The following ABCA4 variants were observed in gnomAD, a reference collection of about 807,000 sequenced individuals.
The protein encoded by ABCA4 is retinal-specific phospholipid-transporting ATPase ABCA4.
In ABCA4, 196 loss-of-function variants were observed where a neutral mutation model predicts 263.7. The observed-to-expected ratio is 0.74, with a 90% CI of 0.66 to 0.84. The LOEUF (loss-of-function observed/expected upper bound fraction) is 0.84. Among genes scored for constraint, ABCA4 ranks in the 40% least tolerant of loss-of-function variants. The pLI, the probability that ABCA4 is intolerant of heterozygous loss-of-function variation, is 0.00. For missense variants in ABCA4, 2,792 were observed against 2,855.1 expected (o/e 0.98, Z 0.50); for synonymous variants, 1,133 against 1,094.2 (o/e 1.04, Z -0.70).
intron 6 of ABCA4, among the ~76,000 whole-genome samples, chr1:94,092,716 G>A (rs1020999049): frequency 3.3e-5 from 5 of 152,064 alleles, no homozygotes; most frequent in East Asian, 1.9e-4. Context: ...TTTTCTGTCC[G>A]TCCCAGTATC....
In ABCA4 at chr1:94,082,194, G is replaced by A. The variant is rs140870573; in HGVS notation, c.858+1158C>T. Among the ~76,000 whole-genome samples the A allele has an allele frequency of 8.2e-3, 1,243 of 152,268 alleles. 14 individuals carry two copies. Among genetic ancestry groups the A allele is most frequent in the African/African-American group, 0.028 (1,175 of 41,554 alleles). ...TGAGTCTTATGACATCTTGTAAGGG[G>A]TTATTACTATTATTATGTTGCTCAT... is the stretch of plus-strand genomic sequence containing the variant. On this transcript the variant is annotated intron_variant, in intron 7 of 49. Coordinates refer to ENST00000370225, the MANE Select transcript of ABCA4 (RefSeq NM_000350.3).
intron 1 of ABCA4, among the ~76,000 whole-genome samples, chr1:94,116,861 CA>C (rs1272694506): frequency 6.6e-6 from 1 of 152,162 alleles, no homozygotes; most frequent in Admixed American, 6.5e-5. Flanking sequence ...AGCCAAGGCT[CA>C]GAAGGGCTGG....
At chr1:94,055,399 G>T in intron 15 of ABCA4, 84 bp from the exon 16 acceptor site, 2 of 1,390,886 alleles carry the variant, frequency 1.4e-6, no homozygotes, top group Non-Finnish European at 1.0e-6. Context: ...GAGGTAGAGG[G>T]GAGGGCCAAA....
Position 94,100,995 on chromosome 1 carries a change from G to C in ABCA4, c.571-2004C>G, listed in dbSNP as rs145023290. On this transcript the variant is annotated intron_variant, in intron 5 of 49. Transcript: ENST00000370225. ...TGGGCAGGGAGGGCCGGGTTGGCTG[G>C]AACGTGCCTCTGCGAAGCGCAGATG... Among the ~76,000 whole-genome samples, 273 of 152,354 alleles carry C rather than the reference G, an allele frequency of 1.8e-3. 2 individuals carry two copies. The highest frequency in any genetic ancestry group is 6.3e-3 in the African/African-American group (264 of 41,582).
chr1:94,105,498 C>T (rs1187847606), intron 4 of ABCA4, among the ~76,000 whole-genome samples: 1 of 152,130 alleles, frequency 6.6e-6, no homozygotes, highest in Non-Finnish European at 1.5e-5. Flanking sequence ...CGATACCAGA[C>T]AGAAGCTTCC....
At chr1:94,010,610 T>G (rs1037901674) in intron 40 of ABCA4, 190 bp downstream of exon 40, 2 of 783,844 alleles carry the variant, frequency 2.6e-6, no homozygotes, top group African/African-American at 3.4e-5. Context: ...GTGGATGCTC[T>G]TCACATATTT....
At chr1:94,120,239 G>A (rs915130525) in intron 1 of ABCA4, among the ~76,000 whole-genome samples, 2 of 152,252 alleles carry the variant, frequency 1.3e-5, no homozygotes, top group South Asian at 2.1e-4. Context: ...GTCTCCAAAC[G>A]TACTTTGGGT....
intron 7 of ABCA4, 125 bp from the exon 8 acceptor site, chr1:94,080,843 A>T (rs993899876): frequency 7.1e-7 from 1 of 1,409,950 alleles, no homozygotes; most frequent in Non-Finnish European, 9.8e-7. Context: ...TATTCTCAGC[A>T]ATCCTTAATC....
At chr1:93,997,807 T>C in intron 48 of ABCA4, 54 bp downstream of exon 48, 2 of 1,611,696 alleles carry the variant, frequency 1.2e-6, no homozygotes. Context: ...CAACCCACAC[T>C]GGGTGTTCTG....
intron 11 of ABCA4, among the ~76,000 whole-genome samples, chr1:94,065,496 G>A (rs139187278): frequency 1.1e-4 from 17 of 152,288 alleles, no homozygotes; most frequent in Admixed American, 1.0e-3. Flanking sequence ...TCTCACTCCC[G>A]AGTCCCACCT....
intron 48 of ABCA4, among the ~76,000 whole-genome samples, chr1:93,997,444 T>G (rs1424704002): frequency 6.6e-6 from 1 of 151,574 alleles, no homozygotes; most frequent in East Asian, 1.9e-4. Flanking sequence ...TTTTTTTTTT[T>G]TTTTCTGTAG....
chr1:94,048,486 A>C (rs1003116565), intron 18 of ABCA4, among the ~76,000 whole-genome samples: 1 of 152,192 alleles, frequency 6.6e-6, no homozygotes, highest in African/African-American at 2.4e-5. Flanking sequence ...CCCCCTGGAC[A>C]CAGAAGCATT....
intron 11 of ABCA4, among the ~76,000 whole-genome samples, chr1:94,072,791 C>G (rs760240811): frequency 5.3e-5 from 8 of 152,206 alleles, no homozygotes; most frequent in Non-Finnish European, 1.2e-4. Context: ...TATTTTCCTA[C>G]TCCACTGCCT....
At chr1:94,092,352 A>G (rs1020187555) in intron 6 of ABCA4, among the ~76,000 whole-genome samples, 1 of 152,182 alleles carries the variant, frequency 6.6e-6, no homozygotes, top group African/African-American at 2.4e-5. Context: ...GGAAACCCAC[A>G]TTTATCCGGG....
At position 94,055,211 on chromosome 1, in the gene ABCA4, C is replaced by T. The variant is rs770089512; in HGVS notation, c.2487G>A (p.Thr829=). 2.0e-5 allele frequency: 33 copies of T among 1,614,044 alleles called. No homozygotes were observed. Among genetic ancestry groups the T allele is most frequent in the East Asian group, 8.9e-5 (4 of 44,880 alleles). The change falls in exon 16 of 50, where the codon ACG becomes ACA. Residue 829 remains threonine, a synonymous_variant. Coordinates refer to ENST00000370225, the MANE Select transcript of ABCA4 (RefSeq NM_000350.3). ...GCAGGAAGCTGAATTCGTCCCCTTC[C>T]GTGGGACTGTTCCCGATGTTGCTCC... is the stretch of plus-strand genomic sequence containing the variant. The part of the protein sequence containing the change: ...LQWSNIGNSP[T]EGDEFSFLLS...
At chr1:94,015,881 C>A in intron 36 of ABCA4, 27 bp from the exon 37 acceptor site, 1 of 1,587,104 alleles carries the variant, frequency 6.3e-7, no homozygotes, top group Non-Finnish European at 8.6e-7. Context: ...GAGAGCAAGT[C>A]ACTTAACCTC....
At chr1:93,995,815 A>G (rs114512830) in intron 49 of ABCA4, among the ~76,000 whole-genome samples, 258 of 152,352 alleles carry the variant, frequency 1.7e-3, no homozygotes, top group Non-Finnish European at 3.1e-3. Context: ...AAGCAAAAAC[A>G]TGGGAAAGTT....
chr1:94,020,311 T>G (rs1328612315), intron 35 of ABCA4, among the ~76,000 whole-genome samples: 2 of 152,236 alleles, frequency 1.3e-5, no homozygotes, highest in Non-Finnish European at 2.9e-5. Context: ...GGCATCTGGC[T>G]GAGGGGTAAG....
intron 26 of ABCA4, 121 bp from the exon 27 acceptor site, chr1:94,032,164 C>G: frequency 8.3e-7 from 1 of 1,202,714 alleles, no homozygotes; most frequent in Non-Finnish European, 1.2e-6. Context: ...CAATGAAATA[C>G]CAGGCTGGTA....
Sources: allele counts gnomAD v4.1 joint callset (sites outside exome capture counted in the v4.1 genomes callset), GRCh38; gene constraint gnomAD v4.1.1; transcripts MANE v1.5; gene names NCBI Gene and HGNC (gene_info 2026-07-23, HGNC 2026-07-21).